The following RBFOX1 variants were observed in gnomAD, a reference collection of about 807,000 sequenced individuals.
RBFOX1 encodes the protein RNA binding fox-1 homolog 1, also known as RNA binding protein fox-1 homolog 1.
RBFOX1 carries 8 observed loss-of-function variants against 57.7 expected under a neutral mutation model. That is an observed-to-expected ratio of 0.14 (90% CI 0.08 to 0.25). RBFOX1 has a LOEUF of 0.25. Among genes scored for constraint, RBFOX1 ranks in the 10% least tolerant of loss-of-function variants. RBFOX1 has a pLI of 1.00. For missense variants in RBFOX1, 611 were observed against 548.5 expected (o/e 1.11, Z -1.14); for synonymous variants, 326 against 222.4 (o/e 1.47, Z -4.15).
At chr16:6,927,919 A>C (rs564364133) in intron 3 of RBFOX1, among the ~76,000 whole-genome samples, 1 of 152,342 alleles carries the variant, frequency 6.6e-6, no homozygotes, top group East Asian at 1.9e-4. Flanking sequence ...CACTAAATAT[A>C]ATGATATAAT....
intron 1 of RBFOX1, among the ~76,000 whole-genome samples, chr16:6,261,983 C>G (rs147191320): frequency 1.3e-5 from 2 of 151,940 alleles, no homozygotes; most frequent in East Asian, 3.9e-4. Flanking sequence ...GAGCCAAGCT[C>G]ACACCATCGT....
At chr16:6,599,365 G>T (rs768996097) in intron 2 of RBFOX1, among the ~76,000 whole-genome samples, 2 of 152,082 alleles carry the variant, frequency 1.3e-5, no homozygotes, top group African/African-American at 4.8e-5. Context: ...TTGTGACCTG[G>T]GTCTAGTAAT....
intron 3 of RBFOX1, among the ~76,000 whole-genome samples, chr16:5,773,151 C>A (rs1028091617): frequency 6.6e-6 from 1 of 152,154 alleles, no homozygotes; most frequent in African/African-American, 2.4e-5. Context: ...TTCAGTGGCT[C>A]AACTCCAGTG....
chr16:7,211,049 C>T (rs530396982), intron 4 of RBFOX1, among the ~76,000 whole-genome samples: 1 of 146,330 alleles, frequency 6.8e-6, no homozygotes, highest in Admixed American at 6.9e-5. Context: ...ATAAGTATGT[C>T]AAAGTATTAT....
rs2080191855 is a variant in RBFOX1, at chr16:7,531,936, TAGAG to T, written c.270+13548_270+13551del. 2.6e-5 allele frequency among the ~76,000 whole-genome samples: 4 copies of T among 152,112 alleles called. 1 individual carries two copies. Among genetic ancestry groups the T allele is most frequent in the African/African-American group, 9.6e-5 (4 of 41,488 alleles). ...TCCCCAGTGGCATCCAGTGGCCCCA[TAGAG>T]TGAAAGAGGCCTTCATACCATTTGG... On this transcript the variant is annotated intron_variant, in intron 5 of 15. Transcript: ENST00000550418.
chr16:6,315,760 A>G (rs1389834670), intron 1 of RBFOX1, among the ~76,000 whole-genome samples: 1 of 152,194 alleles, frequency 6.6e-6, no homozygotes, highest in South Asian at 2.1e-4. Context: ...AGCTCTATCT[A>G]TTCTTGGGTC....
At chr16:6,239,243 T>A (rs946539656) in intron 1 of RBFOX1, among the ~76,000 whole-genome samples, 4 of 152,136 alleles carry the variant, frequency 2.6e-5, no homozygotes, top group Non-Finnish European at 4.4e-5. Context: ...TTTGCTTTGA[T>A]GTTCGTCTTA....
chr16:5,650,210 C>G (rs1216173948), intron 3 of RBFOX1, among the ~76,000 whole-genome samples: 1 of 152,202 alleles, frequency 6.6e-6, no homozygotes, highest in Admixed American at 6.5e-5. Flanking sequence ...CTTACCTGAG[C>G]AAACAGAGGC....
chr16:5,497,829 A>C (rs1409821994), intron 2 of RBFOX1, among the ~76,000 whole-genome samples: 2 of 152,182 alleles, frequency 1.3e-5, no homozygotes. Context: ...ATTGTCCCCA[A>C]GAATAACAAA....
intron 4 of RBFOX1, among the ~76,000 whole-genome samples, chr16:5,887,642 G>C (rs891648528): frequency 2.0e-5 from 3 of 152,092 alleles, no homozygotes; most frequent in African/African-American, 7.2e-5. Flanking sequence ...GAACTCAAGT[G>C]ATCCACCCGC....
chr16:5,749,197 C>T (rs541018976), intron 3 of RBFOX1, among the ~76,000 whole-genome samples: 1 of 152,222 alleles, frequency 6.6e-6, no homozygotes, highest in South Asian at 2.1e-4. Flanking sequence ...ATTGCCCCCA[C>T]CCCCTTTTGG....
intron 2 of RBFOX1, among the ~76,000 whole-genome samples, chr16:6,374,776 C>A (rs1367871787): frequency 6.6e-6 from 1 of 152,176 alleles, no homozygotes; most frequent in Non-Finnish European, 1.5e-5. Context: ...TGAAGGCAAT[C>A]TGAATTATAA....
intron 4 of RBFOX1, among the ~76,000 whole-genome samples, chr16:7,460,996 C>G (rs2059483172): frequency 6.6e-6 from 1 of 152,116 alleles, no homozygotes; most frequent in South Asian, 2.1e-4. Flanking sequence ...AAGCTCGACT[C>G]CCTTGAAGGA....
chr16:5,866,621 A>G (rs1307221052), intron 3 of RBFOX1, among the ~76,000 whole-genome samples: 3 of 152,230 alleles, frequency 2.0e-5, no homozygotes, highest in Non-Finnish European at 2.9e-5. Context: ...GTAGGCTTGT[A>G]GATAGGAGGC....
At chr16:5,999,896 AAAAAAAAAAAAGAG>A (rs1567239127) in intron 4 of RBFOX1, among the ~76,000 whole-genome samples, 7,794 of 73,120 alleles carry the variant, frequency 0.11, 1,625 homozygotes, top group Non-Finnish European at 0.16. Context: ...AAAAAAAAAA[AAAAAAAAAAAAGAG>A]TGAAGAAGGG....
At chr16:5,809,653 A>G (rs895295115) in intron 3 of RBFOX1, among the ~76,000 whole-genome samples, 4 of 152,238 alleles carry the variant, frequency 2.6e-5, no homozygotes, top group Non-Finnish European at 2.9e-5. Context: ...TTGAATGGCA[A>G]TCATTAAAAA....
intron 3 of RBFOX1, among the ~76,000 whole-genome samples, chr16:6,849,619 A>G (rs2093957396): frequency 6.6e-6 from 1 of 152,224 alleles, no homozygotes; most frequent in Non-Finnish European, 1.5e-5. Flanking sequence ...CAGTGAGCTG[A>G]GATTGTACCA....
intron 2 of RBFOX1, among the ~76,000 whole-genome samples, chr16:5,584,441 C>A (rs1457082112): frequency 6.6e-6 from 1 of 152,210 alleles, no homozygotes; most frequent in East Asian, 1.9e-4. Context: ...GATGTTCCGT[C>A]TTCCCTTGTC....
rs1202541688 is a variant in RBFOX1, at chr16:6,478,409, ATATATATATATATATATATATTTT to A, written c.-64+161354_-64+161377del. On this transcript the variant is annotated intron_variant, in intron 2 of 15. Transcript: ENST00000550418. ...AGCTAATATATATATATATATATAT[ATATATATATATATATATATATTTT>A]TTTTTTTTTTTTTTGTATTTTTAGT... Among the ~76,000 whole-genome samples the A allele has an allele frequency of 1.1e-3, 33 of 30,660 alleles. 1 individual carries two copies. Among genetic ancestry groups the A allele is most frequent in the East Asian group, 6.3e-3 (13 of 2,052 alleles). The allele number at this position is 30,660 out of a possible 152,430, so 20.1% of individuals were successfully genotyped here.
Sources: gnomAD v4.1 joint callset for allele counts (sites outside exome capture counted in the v4.1 genomes callset) on GRCh38, gnomAD v4.1.1 for gene constraint, MANE v1.5 for transcripts, NCBI Gene and HGNC (gene_info 2026-07-23, HGNC 2026-07-21) for gene names.